The following CSMD1 variants were observed in gnomAD, a reference collection of about 807,000 sequenced individuals.
CSMD1 encodes the protein CUB and Sushi multiple domains 1.
In CSMD1, 213 loss-of-function variants were observed where a neutral mutation model predicts 417.5. The observed-to-expected ratio is 0.51, with a 90% confidence interval of 0.46 to 0.57. CSMD1 has a LOEUF of 0.57. Ranked by LOEUF, CSMD1 falls within the 20% of genes least tolerant of loss-of-function variation. CSMD1 has a pLI of 0.00. For synonymous variants in CSMD1, 2,862 were observed against 1,736.8 expected (o/e 1.65, Z -16.11); for missense variants, 6,923 against 4,529.7 (o/e 1.53, Z -15.17).
chr8:3,350,943 G>A (rs540594127), intron 21 of CSMD1, among the ~76,000 whole-genome samples: 14 of 152,228 alleles, frequency 9.2e-5, no homozygotes, highest in East Asian at 3.9e-4. Flanking sequence ...TAACCATCCC[G>A]TTGTAACTGA....
chr8:4,047,425 A>C (rs2554555), intron 3 of CSMD1, among the ~76,000 whole-genome samples: 1 of 152,056 alleles, frequency 6.6e-6, no homozygotes, highest in Non-Finnish European at 1.5e-5. Flanking sequence ...AATTGAAATT[A>C]AAATGGCATT....
At chr8:4,787,373 T>G (rs1563383206) in intron 1 of CSMD1, 27 of 731,288 alleles carry the variant, frequency 3.7e-5, no homozygotes, top group South Asian at 2.7e-4. Flanking sequence ...AAAAATTGTA[T>G]GAGGGTAAAA....
rs192794077 is a variant in CSMD1, at chr8:4,603,009, T to C, written c.302+34333A>G. Among the ~76,000 whole-genome samples, 50 of 152,114 alleles carry C rather than the reference T, an allele frequency of 3.3e-4. 1 individual carries two copies. In the East Asian group the frequency reaches 8.5e-3, roughly 26 times the overall value. On this transcript the variant is annotated intron_variant, in intron 2 of 69. Coordinates refer to ENST00000635120, the MANE Select transcript of CSMD1 (RefSeq NM_033225.6). Reference sequence around the variant, plus strand: ...TTAGTAAAGACTGAACTATTTTTAATAATAAAATATTGATTCTCCAACTGA... The same window carrying C: ...TTAGTAAAGACTGAACTATTTTTAACAATAAAATATTGATTCTCCAACTGA...
chr8:4,506,049 T>C (rs1802508272), intron 2 of CSMD1, among the ~76,000 whole-genome samples: 1 of 152,082 alleles, frequency 6.6e-6, no homozygotes, highest in Non-Finnish European at 1.5e-5. Flanking sequence ...TTTGAACATC[T>C]AACATGTAAA....
intron 3 of CSMD1, among the ~76,000 whole-genome samples, chr8:4,144,647 G>A (rs1050954100): frequency 6.6e-6 from 1 of 150,948 alleles, no homozygotes; most frequent in Non-Finnish European, 1.5e-5. Flanking sequence ...CTTTTTATCA[G>A]GAGATAATCA....
chr8:3,737,246 G>C (rs1047380440), intron 6 of CSMD1, among the ~76,000 whole-genome samples: 3 of 152,056 alleles, frequency 2.0e-5, no homozygotes, highest in East Asian at 1.9e-4. Context: ...GAGATAAGCC[G>C]ATTGGGAGTA....
At chr8:4,909,931 C>T (rs558675262) in intron 1 of CSMD1, among the ~76,000 whole-genome samples, 88 of 152,264 alleles carry the variant, frequency 5.8e-4, no homozygotes, top group African/African-American at 1.5e-3. Flanking sequence ...GCCCTTTACA[C>T]GACTAGCTGA....
chr8:3,451,014 G>C (rs539731237), intron 12 of CSMD1, among the ~76,000 whole-genome samples: 91 of 152,184 alleles, frequency 6.0e-4, no homozygotes, highest in Non-Finnish European at 1.0e-3. Flanking sequence ...ATTCTAACTG[G>C]TGTGAGATGG....
intron 1 of CSMD1, among the ~76,000 whole-genome samples, chr8:4,730,459 G>A (rs1187478601): frequency 6.6e-6 from 1 of 152,132 alleles, no homozygotes; most frequent in Non-Finnish European, 1.5e-5. Context: ...TAAAGAAAAT[G>A]GCCAGGAGCA....
chr8:4,613,144 G>A (rs750054931), intron 2 of CSMD1, among the ~76,000 whole-genome samples: 4 of 152,114 alleles, frequency 2.6e-5, no homozygotes, highest in Non-Finnish European at 5.9e-5. Flanking sequence ...CGAGCTGATT[G>A]CTCTTCCCAT....
chr8:3,070,562 C>T (rs1813265416), intron 49 of CSMD1, among the ~76,000 whole-genome samples: 1 of 152,212 alleles, frequency 6.6e-6, no homozygotes, highest in African/African-American at 2.4e-5. Context: ...CAGCCAAGCT[C>T]TTCACTAAGG....
At chr8:3,108,577 A>G (rs757818802) in intron 44 of CSMD1, 26 bp downstream of exon 44, 1 of 1,611,368 alleles carries the variant, frequency 6.2e-7, no homozygotes, top group African/African-American at 1.3e-5. Flanking sequence ...TCTCAGTCTT[A>G]ACTAACGGAG....
At chr8:4,786,682 CT>C (rs1477478937) in intron 1 of CSMD1, among the ~76,000 whole-genome samples, 34 of 152,148 alleles carry the variant, frequency 2.2e-4, no homozygotes, top group African/African-American at 8.0e-4. Flanking sequence ...AAATTCTGTT[CT>C]ATCTGGTTTT....
rs141069866 is a variant in CSMD1, at chr8:4,751,455, T to G, written c.86-113897A>C. 6.6e-5 allele frequency among the ~76,000 whole-genome samples: 10 copies of G among 152,232 alleles called. No homozygotes were observed. The East Asian group carries it at 9.7e-4, about 15-fold the overall frequency. On this transcript the variant is annotated intron_variant, in intron 1 of 69. Transcript: ENST00000635120. ...AAATTAATTTGATTTCCTCAGTAGT[T>G]CATTACCCTAAATAGCATAAAAAGT...
rs192548055 is a variant in CSMD1, at chr8:3,836,283, T to C, written c.819-82241A>G. On this transcript the variant is annotated intron_variant, in intron 5 of 69. Transcript: ENST00000635120. ...TCACAATGTGGCATTAAAAAACTGA[T>C]TGAAGCTTGTAACAAGTCAAAGCAG... Among the ~76,000 whole-genome samples the C allele has an allele frequency of 5.0e-4, 76 of 152,262 alleles. 1 individual carries two copies. The East Asian group carries it at 5.2e-3, about 10-fold the overall frequency.
At chr8:4,396,559 C>G (rs528306058) in intron 3 of CSMD1, among the ~76,000 whole-genome samples, 1 of 151,916 alleles carries the variant, frequency 6.6e-6, no homozygotes, top group Non-Finnish European at 1.5e-5. Flanking sequence ...CAGCAAAATT[C>G]GCAACTGCAA....
chr8:4,221,126 T>C (rs1254055737), intron 3 of CSMD1, among the ~76,000 whole-genome samples: 3 of 152,192 alleles, frequency 2.0e-5, no homozygotes, highest in South Asian at 2.1e-4. Context: ...AGACAGAGAA[T>C]AGAAATGTAA....
At chr8:4,780,723 C>CACT (rs1797113492) in intron 1 of CSMD1, among the ~76,000 whole-genome samples, 1 of 152,082 alleles carries the variant, frequency 6.6e-6, no homozygotes, top group South Asian at 2.1e-4. Context: ...ACCCCCTTCC[C>CACT]ACTCTTCTCT....
intron 1 of CSMD1, among the ~76,000 whole-genome samples, chr8:4,971,429 G>T (rs1585434072): frequency 6.6e-6 from 1 of 151,936 alleles, no homozygotes; most frequent in Non-Finnish European, 1.5e-5. Flanking sequence ...AATAATTCAA[G>T]TTTCCATAAT....
Sources: allele counts gnomAD v4.1 joint callset (sites outside exome capture counted in the v4.1 genomes callset), GRCh38; gene constraint gnomAD v4.1.1; transcripts MANE v1.5; gene names NCBI Gene and HGNC (gene_info 2026-07-23, HGNC 2026-07-21).